DPF3: variants seen among roughly 807,000 people sequenced by gnomAD.
DPF3 encodes the protein zinc finger protein DPF3.
DPF3 carries 18 observed loss-of-function variants against 56.8 expected under a neutral mutation model. The ratio of observed to expected loss-of-function variants is 0.32; its 90% CI spans 0.22 to 0.47. The LOEUF (loss-of-function observed/expected upper bound fraction) is 0.47, where lower values mean the gene tolerates loss of function less well. DPF3 is among the 20% of genes least tolerant of loss of function. The pLI is 1.00. For synonymous variants in DPF3, 188 were observed against 180.2 expected, an observed-to-expected ratio of 1.04 and a Z score of -0.35; for missense variants, 403 against 488.8, an observed-to-expected ratio of 0.82 and a Z score of 1.65.
intron 8 of DPF3, among the ~76,000 whole-genome samples, chr14:72,650,389 G>T (rs932596543): frequency 6.6e-6 from 1 of 152,208 alleles, no homozygotes; most frequent in African/African-American, 2.4e-5. Context: ...CTGGATAAAG[G>T]GATCAGCTGA....
At chr14:72,674,092 A>G in intron 8 of DPF3, 148 bp downstream of exon 8, 5 of 1,227,680 alleles carry the variant, frequency 4.1e-6, no homozygotes, top group Non-Finnish European at 5.4e-6. Flanking sequence ...GAAGAAAAAT[A>G]TCAGAATGAG....
chr14:72,852,478 G>A (rs759057109), intron 1 of DPF3, among the ~76,000 whole-genome samples: 9 of 152,226 alleles, frequency 5.9e-5, no homozygotes, highest in Non-Finnish European at 1.0e-4. Flanking sequence ...GGGGAGAGGG[G>A]TGGGATCGGT....
intron 2 of DPF3, among the ~76,000 whole-genome samples, chr14:72,758,212 C>T (rs983217730): frequency 1.3e-5 from 2 of 152,066 alleles, no homozygotes; most frequent in African/African-American, 4.8e-5. Flanking sequence ...TTAGCTCCCA[C>T]CTAAAACCAA....
intron 6 of DPF3, among the ~76,000 whole-genome samples, chr14:72,701,840 G>A (rs966306773): frequency 1.3e-5 from 2 of 152,158 alleles, no homozygotes; most frequent in African/African-American, 2.4e-5. Flanking sequence ...GCTCATTCCC[G>A]GCTCTGCCCC....
At chr14:72,782,773 C>A (rs1273340168) in intron 1 of DPF3, among the ~76,000 whole-genome samples, 1 of 151,972 alleles carries the variant, frequency 6.6e-6, no homozygotes, top group Admixed American at 6.6e-5. Context: ...ACAGAGGTTG[C>A]AGTGAGCCGA....
intron 7 of DPF3, among the ~76,000 whole-genome samples, chr14:72,685,476 T>A (rs914189440): frequency 6.6e-6 from 1 of 152,256 alleles, no homozygotes; most frequent in Non-Finnish European, 1.5e-5. Flanking sequence ...TTCCGTCATC[T>A]CTTTCCCTCT....
chr14:72,713,268 G>C (rs1214689945), intron 6 of DPF3, among the ~76,000 whole-genome samples: 1 of 152,260 alleles, frequency 6.6e-6, no homozygotes, highest in East Asian at 1.9e-4. Context: ...AGCCAAATGG[G>C]AGTCATGGAG....
chr14:72,623,079 A>G (rs1884563761), intron 9 of DPF3, among the ~76,000 whole-genome samples: 1 of 152,256 alleles, frequency 6.6e-6, no homozygotes, highest in Non-Finnish European at 1.5e-5. Context: ...GAAAACATAT[A>G]TACTTGTTAC....
At chr14:72,767,161 C>T (rs1331653138) in intron 2 of DPF3, among the ~76,000 whole-genome samples, 1 of 152,202 alleles carries the variant, frequency 6.6e-6, no homozygotes, top group East Asian at 1.9e-4. Context: ...AGCCTCGCCT[C>T]CCCTACTAGC....
At chr14:72,886,956 A>G (rs1886570447) in intron 1 of DPF3, among the ~76,000 whole-genome samples, 1 of 152,176 alleles carries the variant, frequency 6.6e-6, no homozygotes, top group Non-Finnish European at 1.5e-5. Context: ...TCAGTGAGAC[A>G]TCAGTACAGG....
chr14:72,661,854 C>CTT (rs60114618), intron 8 of DPF3: 764 of 924,160 alleles, frequency 8.3e-4, no homozygotes, highest in Middle Eastern at 5.1e-3. Flanking sequence ...TTTATTTTTG[C>CTT]TTTTTTTTTT....
intron 1 of DPF3, among the ~76,000 whole-genome samples, chr14:72,885,042 C>A (rs551729801): frequency 7.3e-6 from 1 of 137,226 alleles, no homozygotes; most frequent in South Asian, 2.4e-4. Flanking sequence ...TGGGGAATGG[C>A]GTGAACCCGG....
chr14:72,674,450 A>C, intron 7 of DPF3, 82 bp from the exon 8 acceptor site: 1 of 1,509,650 alleles, frequency 6.6e-7, no homozygotes. Context: ...AGTGTGGTAG[A>C]ATCTGCTCCA....
Position 72,611,485 on chromosome 14 carries a change from A to C in DPF3, c.*7812T>G, listed in dbSNP as rs1883719951. Among the ~76,000 whole-genome samples, 1 of 152,072 alleles carries C rather than the reference A, an allele frequency of 6.6e-6. No individual in the cohort carries two copies. The highest frequency in any genetic ancestry group is 1.5e-5 in the Non-Finnish European group (1 of 68,018). ...AGCTGACCTTGCTGGGGTCTGGTGG[A>C]GTGTGCCCAATCTGTACTTGAAGCC... On this transcript the variant is annotated 3_prime_UTR_variant, in exon 11 of 11. Transcript: ENST00000556509.
At chr14:72,661,407 AC>A in intron 8 of DPF3, 9 of 985,178 alleles carry the variant, frequency 9.1e-6, no homozygotes, top group Non-Finnish European at 1.1e-5. Flanking sequence ...TGACTCAAGG[AC>A]CTCTGCTGAC....
At chr14:72,814,273 C>A (rs998193097) in intron 1 of DPF3, among the ~76,000 whole-genome samples, 4 of 152,070 alleles carry the variant, frequency 2.6e-5, no homozygotes, top group Admixed American at 1.3e-4. Flanking sequence ...TTTGAAAGCC[C>A]ATAGCAGTTC....
chr14:72,642,481 T>C (rs1395537297), intron 8 of DPF3, among the ~76,000 whole-genome samples: 2 of 152,074 alleles, frequency 1.3e-5, no homozygotes, highest in African/African-American at 4.8e-5. Flanking sequence ...TTCCATGCTG[T>C]TATTATTTTT....
chr14:72,827,579 G>A (rs1242266696), intron 1 of DPF3, among the ~76,000 whole-genome samples: 1 of 135,078 alleles, frequency 7.4e-6, no homozygotes, highest in African/African-American at 2.8e-5. Flanking sequence ...AAGTTCAAGC[G>A]ATTCTCCCTG....
chr14:72,756,832 GAAAGAAAGAA>G (rs1890815503), intron 2 of DPF3, among the ~76,000 whole-genome samples: 1 of 90,076 alleles, frequency 1.1e-5, no homozygotes, highest in South Asian at 3.9e-4. Context: ...CAGAAAGAAA[GAAAGAAAGAA>G]AGAAAGAAAG....
Sources: gnomAD v4.1 joint callset for allele counts (sites outside exome capture counted in the v4.1 genomes callset) on GRCh38, gnomAD v4.1.1 for gene constraint, MANE v1.5 for transcripts, NCBI Gene and HGNC (gene_info 2026-07-23, HGNC 2026-07-21) for gene names.